The following BANP variants were observed in gnomAD, a reference collection of about 807,000 sequenced individuals.
The protein encoded by BANP is protein BANP.
BANP carries 11 observed loss-of-function variants against 68.1 expected under a neutral mutation model. The observed-to-expected ratio is 0.16, with a 90% CI of 0.10 to 0.27. BANP has a LOEUF of 0.27. BANP is among the 10% of genes least tolerant of loss of function. The pLI is 1.00. For missense variants in BANP, 504 were observed against 722.7 expected, an observed-to-expected ratio of 0.70 and a Z score of 3.47; for synonymous variants, 329 against 303.2, an observed-to-expected ratio of 1.09 and a Z score of -0.88.
intron 11 of BANP, among the ~76,000 whole-genome samples, chr16:88,058,341 G>A (rs7499323): frequency 0.2 from 29,918 of 152,188 alleles, 3,578 homozygotes; most frequent in East Asian, 0.47. Context: ...AGGCAGGGCC[G>A]GGACGTGCTG....
intron 7 of BANP, among the ~76,000 whole-genome samples, chr16:88,025,339 G>T (rs1303817200): frequency 1.3e-5 from 2 of 152,234 alleles, no homozygotes; most frequent in Admixed American, 1.3e-4. Context: ...CCAGCGGCTG[G>T]GTTCCTCTGT....
At chr16:88,027,368 C>A in intron 7 of BANP, 115 bp from the exon 8 acceptor site, 2 of 1,168,232 alleles carry the variant, frequency 1.7e-6, no homozygotes, top group Non-Finnish European at 2.5e-6. Flanking sequence ...GCCGGCCTGG[C>A]GGGCTGGGGT....
At chr16:87,954,166 G>A (rs1275555326) in intron 1 of BANP, among the ~76,000 whole-genome samples, 5 of 152,122 alleles carry the variant, frequency 3.3e-5, no homozygotes, top group Non-Finnish European at 5.9e-5. Flanking sequence ...CTGGAGTTGC[G>A]TCTTTATCCT....
intron 8 of BANP, 27 bp downstream of exon 8, chr16:88,027,677 G>T: frequency 1.2e-6 from 2 of 1,610,980 alleles, no homozygotes; most frequent in Admixed American, 1.7e-5. Flanking sequence ...AGGAGAGGCC[G>T]CCCTCCCCCG....
intron 11 of BANP, among the ~76,000 whole-genome samples, chr16:88,048,852 G>A (rs533307829): frequency 1.1e-4 from 17 of 152,258 alleles, no homozygotes; most frequent in African/African-American, 2.6e-4. Flanking sequence ...TCTCGGTATC[G>A]AATTGGCGCT....
chr16:88,016,325 C>A (rs1262515033), intron 6 of BANP, among the ~76,000 whole-genome samples: 1 of 152,252 alleles, frequency 6.6e-6, no homozygotes, highest in East Asian at 1.9e-4. Flanking sequence ...TGGGTTTCCC[C>A]TGCAGATTCC....
chr16:88,015,663 A>C (rs1044552870), intron 6 of BANP, among the ~76,000 whole-genome samples: 1 of 152,214 alleles, frequency 6.6e-6, no homozygotes, highest in Non-Finnish European at 1.5e-5. Context: ...GTTCGCTTGC[A>C]GGCCACTGTC....
intron 6 of BANP, among the ~76,000 whole-genome samples, chr16:88,009,600 C>G (rs2152573847): frequency 6.6e-6 from 1 of 152,306 alleles, no homozygotes; most frequent in South Asian, 2.1e-4. Context: ...TAACTCTCAG[C>G]TATTGAAAGC....
At chr16:88,074,653 C>T (rs1440098188) in intron 13 of BANP, among the ~76,000 whole-genome samples, 2 of 152,048 alleles carry the variant, frequency 1.3e-5, no homozygotes, top group South Asian at 2.1e-4. Flanking sequence ...GCCTTTCCAG[C>T]TGTCTGGGGG....
chr16:88,029,200 G>C (rs2077588824), intron 8 of BANP, among the ~76,000 whole-genome samples: 1 of 151,190 alleles, frequency 6.6e-6, no homozygotes, highest in African/African-American at 2.4e-5. Flanking sequence ...CCAGCTACTT[G>C]GGAGGTTGAG....
At chr16:87,980,888 G>C in intron 2 of BANP, 148 bp from the exon 3 acceptor site, 1 of 619,162 alleles carries the variant, frequency 1.6e-6, no homozygotes, top group Non-Finnish European at 2.9e-6. Context: ...GCCTGACTGA[G>C]AATAAGTTTA....
chr16:87,970,682 C>T (rs529912905), intron 1 of BANP, among the ~76,000 whole-genome samples: 1 of 152,146 alleles, frequency 6.6e-6, no homozygotes, highest in Non-Finnish European at 1.5e-5. Flanking sequence ...TTCACAAGGG[C>T]ATCAGGGATG....
intron 11 of BANP, among the ~76,000 whole-genome samples, chr16:88,041,564 C>A (rs978965371): frequency 6.6e-6 from 1 of 152,190 alleles, no homozygotes; most frequent in African/African-American, 2.4e-5. Context: ...GCTTTTCTTC[C>A]TTGCTGAGAG....
At chr16:88,048,193 A>AAG (rs1334428190) in intron 11 of BANP, among the ~76,000 whole-genome samples, 1 of 152,376 alleles carries the variant, frequency 6.6e-6, no homozygotes, top group East Asian at 1.9e-4. Context: ...TTAAAATAGC[A>AAG]AGAGGTACAT....
At chr16:88,075,372 G>A (rs2091372436) in intron 13 of BANP, among the ~76,000 whole-genome samples, 2 of 152,148 alleles carry the variant, frequency 1.3e-5, no homozygotes, top group East Asian at 1.9e-4. Context: ...GCGTGGTGGT[G>A]TGCACTGGTG....
At chr16:88,011,823 C>A (rs1325509297) in intron 6 of BANP, among the ~76,000 whole-genome samples, 1 of 152,186 alleles carries the variant, frequency 6.6e-6, no homozygotes, top group Non-Finnish European at 1.5e-5. Context: ...CCTCTCCCCT[C>A]CCCTTTTAAT....
Position 87,965,340 on chromosome 16 carries a change from A to AG in BANP, c.-68-9707dup, listed in dbSNP as rs1438187862. On this transcript the variant is annotated intron_variant, in intron 1 of 13. Coordinates refer to ENST00000682872, the MANE Select transcript of BANP (RefSeq NM_001386991.1). ...GTGAGCACTGAAAATGGAGACCGCA[A>AG]GTACAGGCGGGGCTTCTGAGGAATT... Among the ~76,000 whole-genome samples the AG allele has an allele frequency of 2.6e-5, 4 of 151,876 alleles. No homozygotes were observed. The East Asian group carries it at 7.8e-4, about 30-fold the overall frequency.
intron 7 of BANP, among the ~76,000 whole-genome samples, chr16:88,021,313 G>A (rs1053845748): frequency 3.9e-5 from 6 of 152,186 alleles, no homozygotes; most frequent in African/African-American, 1.4e-4. Flanking sequence ...CCGTCATTCT[G>A]CTGGAAGTCC....
At chr16:87,953,641 A>G (rs1419670872) in intron 1 of BANP, among the ~76,000 whole-genome samples, 1 of 152,174 alleles carries the variant, frequency 6.6e-6, no homozygotes, top group Non-Finnish European at 1.5e-5. Flanking sequence ...TCACGGACAA[A>G]TTGAGTGTTT....
Sources: gnomAD v4.1 joint callset for allele counts (sites outside exome capture counted in the v4.1 genomes callset) on GRCh38, gnomAD v4.1.1 for gene constraint, MANE v1.5 for transcripts, NCBI Gene and HGNC (gene_info 2026-07-23, HGNC 2026-07-21) for gene names.